Variants in SLC9A9 observed in about 807,000 individuals in gnomAD.
SLC9A9 encodes solute carrier family 9 member A9, also known as sodium/hydrogen exchanger 9.
SLC9A9 carries 62 observed loss-of-function variants against 77.8 expected under a neutral mutation model. The ratio of observed to expected loss-of-function variants is 0.80; its 90% CI spans 0.65 to 0.98. The LOEUF (loss-of-function observed/expected upper bound fraction) is 0.98, where lower values mean the gene tolerates loss of function less well. SLC9A9 is among the 50% of genes least tolerant of loss of function. SLC9A9 has a pLI of 0.00. For synonymous variants in SLC9A9, 320 were observed against 283.5 expected (o/e 1.13, Z -1.29); for missense variants, 775 against 774.9 (o/e 1.00, Z 0.00).
chr3:143,654,487 G>A (rs2038854219), intron 5 of SLC9A9, among the ~76,000 whole-genome samples: 2 of 152,194 alleles, frequency 1.3e-5, no homozygotes, highest in South Asian at 2.1e-4. Context: ...AGACGTTGCA[G>A]TTGGTGGGAG....
intron 4 of SLC9A9, among the ~76,000 whole-genome samples, chr3:143,755,839 GTGTC>G (rs2006906944): frequency 1.3e-5 from 2 of 152,262 alleles, no homozygotes; most frequent in South Asian, 4.1e-4. Flanking sequence ...GTGTGTGTGT[GTGTC>G]TGTGTGTGAT....
intron 4 of SLC9A9, among the ~76,000 whole-genome samples, chr3:143,782,975 G>C (rs1481813661): frequency 1.3e-5 from 2 of 152,140 alleles, no homozygotes; most frequent in Non-Finnish European, 2.9e-5. Context: ...TATTCTGTCA[G>C]TTCCATCATT....
At chr3:143,736,386 T>C (rs1310626343) in intron 4 of SLC9A9, among the ~76,000 whole-genome samples, 1 of 152,220 alleles carries the variant, frequency 6.6e-6, no homozygotes, top group African/African-American at 2.4e-5. Flanking sequence ...CGATTATTCA[T>C]TAAACAAACA....
rs564044040 is a variant in SLC9A9 at position 143,633,000 on chromosome 3, T to G, written c.755+19255A>C. On this transcript the variant is annotated intron_variant, in intron 6 of 15. Transcript: ENST00000316549. ...TGTCCTGGCATCAGAGACACATGCA[T>G]TCCTAGAGTTTTACTCTCATCATTT... Among the ~76,000 whole-genome samples, 3 of 152,344 alleles carry G rather than the reference T, an allele frequency of 2.0e-5. No individual in the cohort carries two copies. The East Asian group carries it at 5.8e-4, about 29-fold the overall frequency.
chr3:143,380,289 T>A (rs2033273325), intron 13 of SLC9A9, among the ~76,000 whole-genome samples: 1 of 152,216 alleles, frequency 6.6e-6, no homozygotes, highest in South Asian at 2.1e-4. Context: ...ATAAAATACA[T>A]TTAAATTGGA....
intron 14 of SLC9A9, among the ~76,000 whole-genome samples, chr3:143,358,713 A>T (rs2032657685): frequency 1.3e-5 from 2 of 152,236 alleles, no homozygotes; most frequent in African/African-American, 4.8e-5. Flanking sequence ...GTCTTAAAAT[A>T]TGAATAAGGG....
chr3:143,756,829 G>A (rs2006942861), intron 4 of SLC9A9, among the ~76,000 whole-genome samples: 1 of 152,200 alleles, frequency 6.6e-6, no homozygotes, highest in Non-Finnish European at 1.5e-5. Flanking sequence ...TTTATCCAAA[G>A]AAGCACAGAG....
At chr3:143,720,517 T>C (rs895465037) in intron 4 of SLC9A9, among the ~76,000 whole-genome samples, 2 of 152,160 alleles carry the variant, frequency 1.3e-5, no homozygotes, top group Admixed American at 6.5e-5. Context: ...GGTGCAGAGT[T>C]TTATTTTTTC....
chr3:143,561,687 C>T (rs550283267), intron 8 of SLC9A9, among the ~76,000 whole-genome samples: 104 of 152,198 alleles, frequency 6.8e-4, no homozygotes, highest in Middle Eastern at 6.8e-3. Flanking sequence ...ACCTGTCTCA[C>T]GGTCTGTTTT....
chr3:143,383,595 G>A (rs1430124440), intron 12 of SLC9A9, among the ~76,000 whole-genome samples: 1 of 152,186 alleles, frequency 6.6e-6, no homozygotes, highest in Non-Finnish European at 1.5e-5. Context: ...TCTTCCCAGG[G>A]CCTTGGAGGG....
intron 11 of SLC9A9, among the ~76,000 whole-genome samples, chr3:143,491,958 C>T (rs1267378600): frequency 6.6e-6 from 1 of 152,106 alleles, no homozygotes; most frequent in African/African-American, 2.4e-5. Flanking sequence ...TAATAAAAGT[C>T]AACTCATTGC....
intron 4 of SLC9A9, among the ~76,000 whole-genome samples, chr3:143,740,999 C>T (rs1192797524): frequency 6.6e-6 from 1 of 152,140 alleles, no homozygotes; most frequent in African/African-American, 2.4e-5. Flanking sequence ...TCAGCAAGAA[C>T]TCATGTTTAA....
chr3:143,518,295 C>T lies in SLC9A9; in HGVS notation c.1090-22847G>A. The T allele has an allele frequency of 9.4e-6, 10 of 1,068,868 alleles. 1 individual carries two copies. The highest frequency in any genetic ancestry group is 5.1e-5 in the South Asian group (4 of 78,058). 66.2% of individuals were successfully genotyped at this position (1,068,868 alleles called of 1,614,324 possible). ...GTTCCAGGCCCAGGCGCTGGCTCAG[C>T]GTGACCACGCAGAAAGGGCTGTTTA... On this transcript the variant is annotated intron_variant, in intron 9 of 15. Coordinates refer to ENST00000316549, the MANE Select transcript of SLC9A9 (RefSeq NM_173653.4).
rs114587522 is a variant in SLC9A9 at position 143,300,934 on chromosome 3, C to T, written c.1605-31954G>A. On this transcript the variant is annotated intron_variant, in intron 14 of 15. Coordinates refer to ENST00000316549, the MANE Select transcript of SLC9A9 (RefSeq NM_173653.4). The stretch of plus-strand genomic sequence containing the variant: ...ACTGAACTATGGCCAAAATAAGAAC[C>T]TTTTAAACCTTTATTTTAAAGGCAA... Among the ~76,000 whole-genome samples the T allele has an allele frequency of 9.0e-3, 1,367 of 152,298 alleles. 36 individuals carry two copies. Among genetic ancestry groups the T allele is most frequent in the African/African-American group, 0.031 (1,295 of 41,554 alleles).
At chr3:143,662,308 G>A (rs113515951) in intron 5 of SLC9A9, among the ~76,000 whole-genome samples, 1,932 of 152,300 alleles carry the variant, frequency 0.013, 24 homozygotes, top group Middle Eastern at 0.024. Context: ...GATAAAATAC[G>A]TATATGAAAG....
chr3:143,828,790 A>T (rs1246783762), intron 2 of SLC9A9, among the ~76,000 whole-genome samples: 2 of 152,194 alleles, frequency 1.3e-5, no homozygotes, highest in Non-Finnish European at 2.9e-5. Flanking sequence ...TGAGTGAACA[A>T]AATAAGGGGC....
At position 143,574,149 on chromosome 3, in the gene SLC9A9, G is replaced by T. The variant is rs548739368; in HGVS notation, c.939C>A (p.Thr313=). 1 of 1,613,470 alleles carries T rather than the reference G, an allele frequency of 6.2e-7. No homozygotes were observed. Among genetic ancestry groups the T allele is most frequent in the South Asian group, 1.1e-5 (1 of 91,042 alleles). ...TKLCEFPMLE[T]GLFFLLSWSA... ...TCCAAGAAAGCAGGAAAAACAGGCC[G>T]GTTTCCAGCATCGGGAACTCACACA... The change falls in exon 8 of 16, where the codon ACC becomes ACA. Residue 313 remains threonine (T), a synonymous_variant. Coordinates refer to ENST00000316549, the MANE Select transcript of SLC9A9 (RefSeq NM_173653.4).
intron 12 of SLC9A9, among the ~76,000 whole-genome samples, chr3:143,423,587 T>G (rs902331092): frequency 6.6e-6 from 1 of 152,100 alleles, no homozygotes; most frequent in Admixed American, 6.5e-5. Context: ...AAATAAATAA[T>G]GGTAGTTACA....
At chr3:143,641,888 T>C (rs1183841669) in intron 6 of SLC9A9, among the ~76,000 whole-genome samples, 1 of 152,312 alleles carries the variant, frequency 6.6e-6, no homozygotes, top group East Asian at 1.9e-4. Flanking sequence ...TATGAGTAAT[T>C]GTTTCTAACT....
Sources: allele counts gnomAD v4.1 joint callset (sites outside exome capture counted in the v4.1 genomes callset), GRCh38; gene constraint gnomAD v4.1.1; transcripts MANE v1.5; gene names NCBI Gene and HGNC (gene_info 2026-07-23, HGNC 2026-07-21).